The following CHMP4B variants were observed in gnomAD, a reference collection of about 807,000 sequenced individuals.
The protein encoded by CHMP4B is charged multivesicular body protein 4B.
In CHMP4B, 1 loss-of-function variant was observed where a neutral mutation model predicts 25.1. The ratio of observed to expected loss-of-function variants is 0.04; its 90% CI spans 0.01 to 0.19. CHMP4B has a LOEUF of 0.19. Ranked by LOEUF, CHMP4B falls within the 10% of genes least tolerant of loss-of-function variation. The pLI, the probability that CHMP4B is intolerant of heterozygous loss-of-function variation, is 1.00. For missense variants in CHMP4B, 151 were observed against 289.7 expected (o/e 0.52, Z 3.48); for synonymous variants, 101 against 115.6 (o/e 0.87, Z 0.81).
intron 1 of CHMP4B, among the ~76,000 whole-genome samples, chr20:33,846,807 G>A (rs1413036274): frequency 6.6e-6 from 1 of 152,190 alleles, no homozygotes; most frequent in Non-Finnish European, 1.5e-5. Flanking sequence ...CTGAGTGCAT[G>A]TGTGTGTGAG....
chr20:33,827,363 T>A (rs1979123618), intron 1 of CHMP4B, among the ~76,000 whole-genome samples: 1 of 152,248 alleles, frequency 6.6e-6, no homozygotes, highest in South Asian at 2.1e-4. Flanking sequence ...AACCTTACCT[T>A]CAGACAGCCA....
At chr20:33,846,309 T>C (rs1979689850) in intron 1 of CHMP4B, among the ~76,000 whole-genome samples, 1 of 152,230 alleles carries the variant, frequency 6.6e-6, no homozygotes, top group Admixed American at 6.5e-5. Flanking sequence ...GAGGCCCTTA[T>C]GAAGTGAGCA....
At chr20:33,840,655 A>G (rs1328905850) in intron 1 of CHMP4B, among the ~76,000 whole-genome samples, 3 of 152,166 alleles carry the variant, frequency 2.0e-5, no homozygotes, top group Non-Finnish European at 2.9e-5. Context: ...GCTGTGTTTT[A>G]CAGATGTTGG....
At chr20:33,836,375 G>A (rs1159906899) in intron 1 of CHMP4B, among the ~76,000 whole-genome samples, 1 of 151,566 alleles carries the variant, frequency 6.6e-6, no homozygotes, top group African/African-American at 2.4e-5. Flanking sequence ...TTATTAGGCA[G>A]GCCCAGAGCA....
At position 33,811,388 on chromosome 20, in the gene CHMP4B, G is replaced by T; in HGVS notation, c.-81G>T. 8.4e-7 allele frequency: 1 copy of T among 1,186,850 alleles called. No individual in the cohort carries two copies. Among genetic ancestry groups the T allele is most frequent in the Non-Finnish European group, 1.1e-6 (1 of 933,194 alleles). 73.5% of individuals were successfully genotyped at this position (1,186,850 alleles called of 1,614,324 possible). A position where few individuals can be genotyped will look rare whatever the true frequency, so the allele number is the denominator to read the frequency against. On this transcript the variant is annotated 5_prime_UTR_variant, in exon 1 of 5. Transcript: ENST00000217402. ...GGCAGGGAGCGGCGGGACTGGGAGC[G>T]GGCGCCGGAGCCGACCCGAGCCGAG...
At chr20:33,851,725 C>T (rs980627002) in intron 3 of CHMP4B, among the ~76,000 whole-genome samples, 1 of 152,088 alleles carries the variant, frequency 6.6e-6, no homozygotes, top group African/African-American at 2.4e-5. Context: ...CACTGGAGTT[C>T]GATGGATGAA....
At chr20:33,842,261 C>T (rs1482614712) in intron 1 of CHMP4B, among the ~76,000 whole-genome samples, 1 of 152,096 alleles carries the variant, frequency 6.6e-6, no homozygotes, top group African/African-American at 2.4e-5. Context: ...GACTTTGGGT[C>T]ACCCGAGATC....
intron 1 of CHMP4B, among the ~76,000 whole-genome samples, chr20:33,836,773 G>C (rs1004647967): frequency 6.6e-6 from 1 of 152,128 alleles, no homozygotes; most frequent in Admixed American, 6.5e-5. Flanking sequence ...GGTTTTCCTT[G>C]CCTGCTCCTT....
intron 1 of CHMP4B, among the ~76,000 whole-genome samples, chr20:33,847,146 AG>A (rs1326439127): frequency 6.6e-6 from 1 of 152,078 alleles, no homozygotes; most frequent in Non-Finnish European, 1.5e-5. Context: ...TGGGAGGGTG[AG>A]GGGAAGAATT....
chr20:33,838,942 C>G (rs879644957), intron 1 of CHMP4B, among the ~76,000 whole-genome samples: 1 of 152,174 alleles, frequency 6.6e-6, no homozygotes, highest in Non-Finnish European at 1.5e-5. Context: ...CCATTTCTCT[C>G]CTTCCTTATG....
At chr20:33,823,078 G>A (rs192566320) in intron 1 of CHMP4B, among the ~76,000 whole-genome samples, 43 of 152,022 alleles carry the variant, frequency 2.8e-4, no homozygotes, top group Admixed American at 2.4e-3. Flanking sequence ...ATGAGCCACC[G>A]CGCCCGGCCC....
At chr20:33,843,774 G>A (rs1490842525) in intron 1 of CHMP4B, among the ~76,000 whole-genome samples, 3 of 152,192 alleles carry the variant, frequency 2.0e-5, no homozygotes, top group Non-Finnish European at 4.4e-5. Flanking sequence ...CACCACCGGA[G>A]CCATGCATTT....
At chr20:33,847,728 T>A (rs1428161428) in intron 1 of CHMP4B, among the ~76,000 whole-genome samples, 3 of 152,188 alleles carry the variant, frequency 2.0e-5, no homozygotes, top group Non-Finnish European at 4.4e-5. Context: ...TTGGTCTTGT[T>A]TTCGATGATG....
At chr20:33,821,716 A>C (rs1978946224) in intron 1 of CHMP4B, among the ~76,000 whole-genome samples, 1 of 152,210 alleles carries the variant, frequency 6.6e-6, no homozygotes, top group African/African-American at 2.4e-5. Context: ...TGAGGCCAGG[A>C]GTTTGAGACC....
chr20:33,817,782 C>T (rs1978822495), intron 1 of CHMP4B, among the ~76,000 whole-genome samples: 1 of 152,138 alleles, frequency 6.6e-6, no homozygotes. Flanking sequence ...TTTAGTTGGT[C>T]ATTTTGCAGA....
intron 2 of CHMP4B, 44 bp downstream of exon 2, chr20:33,848,688 C>G: frequency 6.2e-7 from 1 of 1,604,716 alleles, no homozygotes. Context: ...GTGCTAGTCC[C>G]GGAATGCCTC....
At chr20:33,813,907 A>T (rs1365590737) in intron 1 of CHMP4B, among the ~76,000 whole-genome samples, 2 of 151,930 alleles carry the variant, frequency 1.3e-5, no homozygotes, top group Non-Finnish European at 2.9e-5. Flanking sequence ...TAATTTTTGT[A>T]TTTTTAGTAG....
intron 1 of CHMP4B, among the ~76,000 whole-genome samples, chr20:33,828,564 C>T (rs925607590): frequency 2.0e-5 from 3 of 152,110 alleles, no homozygotes; most frequent in African/African-American, 7.2e-5. Context: ...AAATGTTGCG[C>T]CTACATTTCT....
At chr20:33,814,665 C>G (rs1439015194) in intron 1 of CHMP4B, among the ~76,000 whole-genome samples, 1 of 152,076 alleles carries the variant, frequency 6.6e-6, no homozygotes, top group Admixed American at 6.6e-5. Flanking sequence ...TTTATTCATT[C>G]ACTTTAAGCA....
Sources: gnomAD v4.1 joint callset for allele counts (sites outside exome capture counted in the v4.1 genomes callset) on GRCh38, gnomAD v4.1.1 for gene constraint, MANE v1.5 for transcripts, NCBI Gene and HGNC (gene_info 2026-07-23, HGNC 2026-07-21) for gene names.